Variants in TCTN3 observed in about 807,000 individuals in gnomAD.
TCTN3 encodes the protein tectonic-3.
Under a neutral mutation model 71.3 loss-of-function variants are expected in TCTN3, and 57 were observed. The ratio of observed to expected loss-of-function variants is 0.80; its 90% CI spans 0.65 to 1.00. The LOEUF (loss-of-function observed/expected upper bound fraction) is 1.00, where lower values mean the gene tolerates loss of function less well. Among genes scored for constraint, TCTN3 ranks in the 50% least tolerant of loss-of-function variants. The pLI, the probability that TCTN3 is intolerant of heterozygous loss-of-function variation, is 0.00. For synonymous variants in TCTN3, 258 were observed against 267.8 expected, an observed-to-expected ratio of 0.96 and a Z score of 0.36; for missense variants, 696 against 719.9, an observed-to-expected ratio of 0.97 and a Z score of 0.38.
At chr10:95,683,972 T>C (rs1337843066) in intron 9 of TCTN3, among the ~76,000 whole-genome samples, 2 of 151,818 alleles carry the variant, frequency 1.3e-5, no homozygotes, top group African/African-American at 4.8e-5. Flanking sequence ...TTAAAAAATA[T>C]ATATTTTAAT....
chr10:95,666,184 G>A (rs894687853), intron 13 of TCTN3, among the ~76,000 whole-genome samples: 5 of 150,832 alleles, frequency 3.3e-5, no homozygotes, highest in Admixed American at 6.6e-5. Context: ...CTAGTGATCT[G>A]CCCGCCTCGG....
At chr10:95,688,407 AAAAAAAAAAAAG>A (rs1376218569) in intron 3 of TCTN3, among the ~76,000 whole-genome samples, 173 of 149,034 alleles carry the variant, frequency 1.2e-3, no homozygotes, top group African/African-American at 3.2e-3. Context: ...GAAAAAAAAA[AAAAAAAAAAAAG>A]AAAAAAAAAG....
At chr10:95,678,144 T>G (rs899609657) in intron 13 of TCTN3, among the ~76,000 whole-genome samples, 1 of 152,174 alleles carries the variant, frequency 6.6e-6, no homozygotes, top group African/African-American at 2.4e-5. Flanking sequence ...AGATATACAT[T>G]CTGCAAGTGT....
At position 95,693,846 on chromosome 10, in the gene TCTN3, A is replaced by G. The variant is rs1203705515; in HGVS notation, c.54T>C (p.Asp18=). 2 of 1,551,570 alleles carry G rather than the reference A, an allele frequency of 1.3e-6. No homozygotes were observed. Among genetic ancestry groups the G allele is most frequent in the African/African-American group, 2.7e-5 (2 of 73,052 alleles). The change falls in exon 1 of 14, where the codon GAT becomes GAC. Residue 18 remains aspartate, a synonymous_variant. Coordinates refer to ENST00000371217, the MANE Select transcript of TCTN3 (RefSeq NM_015631.6). ...LLQVFFLVFP[D]GVRPQPSSSP... is the part of the protein sequence containing the mutation. ...AGGAAGAGGGCTGAGGCCGGACGCC[A>G]TCGGGGAACACCAGAAAGAACACTT...
intron 13 of TCTN3, among the ~76,000 whole-genome samples, chr10:95,670,551 A>G (rs770753509): frequency 6.6e-6 from 1 of 151,130 alleles, no homozygotes; most frequent in Non-Finnish European, 1.5e-5. Context: ...TTTTTTTAGT[A>G]GAGATGGGGT....
At chr10:95,678,489 C>T (rs1189828608) in intron 13 of TCTN3, among the ~76,000 whole-genome samples, 1 of 145,750 alleles carries the variant, frequency 6.9e-6, no homozygotes, top group Non-Finnish European at 1.5e-5. Flanking sequence ...GCCGAGATCA[C>T]ACCACTGTAC....
intron 3 of TCTN3, among the ~76,000 whole-genome samples, chr10:95,692,676 C>A (rs2097954619): frequency 6.6e-6 from 1 of 152,080 alleles, no homozygotes; most frequent in Admixed American, 6.5e-5. Flanking sequence ...CAACCTGCAA[C>A]CCACCGGCCG....
At chr10:95,679,885 C>T (rs1003166631) in intron 13 of TCTN3, among the ~76,000 whole-genome samples, 3 of 152,106 alleles carry the variant, frequency 2.0e-5, no homozygotes, top group East Asian at 3.8e-4. Context: ...CCACCGCGCC[C>T]GGCCGTCATT....
intron 3 of TCTN3, among the ~76,000 whole-genome samples, chr10:95,690,840 T>C (rs1353420154): frequency 6.6e-6 from 1 of 151,540 alleles, no homozygotes; most frequent in Admixed American, 6.6e-5. Flanking sequence ...AGATGCTATG[T>C]GTGTATATGT....
In TCTN3 at chr10:95,683,555, T is replaced by G; in HGVS notation, c.1170A>C (p.Pro390=). 1 of 1,614,090 alleles carries G rather than the reference T, an allele frequency of 6.2e-7. No homozygotes were observed. The change falls in exon 10 of 14, where the codon CCA becomes CCC. Residue 390 remains proline, a synonymous_variant. Transcript: ENST00000371217. ...SGNPGYIVGK[P]LLALTDDISY... ...TTATATCATCAGTCAGAGCCAAGAGTGGCTTCCCAACTATATAGCCAGGAT... is the reference window on the plus strand; with the variant it reads ...TTATATCATCAGTCAGAGCCAAGAGGGGCTTCCCAACTATATAGCCAGGAT...
rs1481525090 is a variant in TCTN3, at chr10:95,692,904, A to G, written c.499+16T>C. ...CTGTGTTAGAAAATGAGAACAACCA[A>G]CATGTTTCTACTCACAGTTGTTCAC... On this transcript the variant is annotated intron_variant, in intron 3 of 13. Transcript: ENST00000371217. The G allele has an allele frequency of 1.9e-6, 3 of 1,561,878 alleles. No homozygotes were observed. The highest frequency in any genetic ancestry group is 2.6e-6 in the Non-Finnish European group (3 of 1,132,468).
rs1258846546 is a variant in TCTN3, at chr10:95,673,877, T to G, written c.1590+6595A>C. On this transcript the variant is annotated intron_variant, in intron 13 of 13. Transcript: ENST00000371217. ...TAAATAGATACATACTTTTTAAAAT[T>G]TTTCCCATTGAATTGATGTGATTTA... is the stretch of plus-strand genomic sequence containing the variant. 2.0e-5 allele frequency among the ~76,000 whole-genome samples: 3 copies of G among 152,302 alleles called. No homozygotes were observed. The East Asian group carries it at 5.8e-4, about 29-fold the overall frequency.
chr10:95,669,787 G>A (rs1038466541), intron 13 of TCTN3, among the ~76,000 whole-genome samples: 8 of 152,118 alleles, frequency 5.3e-5, no homozygotes, highest in African/African-American at 1.9e-4. Flanking sequence ...TAGCAGGCCG[G>A]GCGCGGTGGC....
chr10:95,677,564 AC>A (rs1250561155), intron 13 of TCTN3, among the ~76,000 whole-genome samples: 1 of 141,642 alleles, frequency 7.1e-6, no homozygotes, highest in Admixed American at 7.9e-5. Context: ...TTGCTACTTC[AC>A]TTTTTATAGA....
In TCTN3 at chr10:95,686,933, C is replaced by T. The variant is rs867343529; in HGVS notation, c.852+111G>A. On this transcript the variant is annotated intron_variant, in intron 6 of 13. Transcript: ENST00000371217. ...CAGGCCCTCTGTCTTTTACGTGGCT[C>T]CTGGGGATTCTGACTTTTATTCAAT... The T allele has an allele frequency of 9.9e-6, 9 of 906,390 alleles. No individual in the cohort carries two copies. The East Asian group carries it at 1.3e-4, about 13-fold the overall frequency. The allele number at this position is 906,390 out of a possible 1,614,324, so 56.1% of individuals were successfully genotyped here.
At chr10:95,669,370 G>T (rs188460776) in intron 13 of TCTN3, among the ~76,000 whole-genome samples, 1 of 152,318 alleles carries the variant, frequency 6.6e-6, no homozygotes, top group Admixed American at 6.5e-5. Context: ...TCATCACATA[G>T]TGTATGAATT....
chr10:95,666,362 C>G (rs943441275), intron 13 of TCTN3, among the ~76,000 whole-genome samples: 1 of 151,932 alleles, frequency 6.6e-6, no homozygotes, highest in Admixed American at 6.6e-5. Flanking sequence ...CTGAAGCTGC[C>G]GAGGGATTCC....
At chr10:95,693,090 C>CA in intron 2 of TCTN3, 52 bp from the exon 3 acceptor site, 3 of 1,410,642 alleles carry the variant, frequency 2.1e-6, no homozygotes, top group Non-Finnish European at 2.9e-6. Context: ...GGGGCAGGTC[C>CA]AAAAAAGAGT....
chr10:95,679,829 A>G (rs1194671302), intron 13 of TCTN3, among the ~76,000 whole-genome samples: 1 of 151,900 alleles, frequency 6.6e-6, no homozygotes, highest in African/African-American at 2.4e-5. Context: ...TGACCTCGTG[A>G]TCCGCCCGCC....
Sources: gnomAD v4.1 joint callset for allele counts (sites outside exome capture counted in the v4.1 genomes callset) on GRCh38, gnomAD v4.1.1 for gene constraint, MANE v1.5 for transcripts, NCBI Gene and HGNC (gene_info 2026-07-23, HGNC 2026-07-21) for gene names.